The following NCAPD2 variants were observed in gnomAD, a reference collection of about 807,000 sequenced individuals.
NCAPD2 encodes the protein non-SMC condensin I complex subunit D2, also known as condensin complex subunit 1.
In NCAPD2, 100 loss-of-function variants were observed where a neutral mutation model predicts 164.5. The ratio of observed to expected loss-of-function variants is 0.61; its 90% confidence interval spans 0.52 to 0.72. NCAPD2 has a LOEUF of 0.72. NCAPD2 is among the 30% of genes least tolerant of loss of function. The pLI is 0.00. For missense variants in NCAPD2, 1,560 were observed against 1,749.2 expected, an observed-to-expected ratio of 0.89 and a Z score of 1.93; for synonymous variants, 585 against 642.6, an observed-to-expected ratio of 0.91 and a Z score of 1.36.
chr12:6,511,361 TCA>T, intron 6 of NCAPD2, 109 bp downstream of exon 6: 2 of 1,305,662 alleles, frequency 1.5e-6, no homozygotes, highest in African/African-American at 1.5e-5. Flanking sequence ...GGACAGAGCT[TCA>T]CTCTTGTCGC....
rs142888387 is a variant in NCAPD2 at position 6,523,829 on chromosome 12, C to T, written c.2214+483C>T. Among the ~76,000 whole-genome samples, 163 of 152,316 alleles carry T rather than the reference C, an allele frequency of 1.1e-3. 1 individual carries two copies. Among genetic ancestry groups the T allele is most frequent in the African/African-American group, 3.7e-3 (153 of 41,570 alleles). On this transcript the variant is annotated intron_variant, in intron 17 of 31. Coordinates refer to ENST00000315579, the MANE Select transcript of NCAPD2 (RefSeq NM_014865.4). ...TAGTTGGTAGTGAAAAACCACAGAA[C>T]ATTTTTAGAACAATGCAGCAGGTAG...
intron 13 of NCAPD2, among the ~76,000 whole-genome samples, chr12:6,519,450 C>T (rs1283873284): frequency 6.6e-6 from 1 of 152,126 alleles, no homozygotes; most frequent in Non-Finnish European, 1.5e-5. Flanking sequence ...TAGCCTCAAC[C>T]CTGCTGGGCT....
chr12:6,531,511 T>TAAAA lies in NCAPD2; in HGVS notation c.*108_*111dup, dbSNP rs753638236. On this transcript the variant is annotated 3_prime_UTR_variant, in exon 32 of 32. Transcript: ENST00000315579. The surrounding 1 kb of genome is among the most constrained non-coding windows in gnomAD (Gnocchi z 4.1). ...AAAATATTTGTCTGTCTCTTTTTTT[T>TAAAA]AAAAAAAAAAAAGGCCGGGCACTGT... is the stretch of plus-strand genomic sequence containing the variant. The TAAAA allele has an allele frequency of 2.6e-3, 3,580 of 1,359,382 alleles. 58 individuals are homozygous for TAAAA. The African/African-American group carries it at 0.044, about 17-fold the overall frequency. The allele number at this position is 1,359,382 out of a possible 1,614,324, so 84.2% of individuals were successfully genotyped here. A position where few individuals can be genotyped will look rare whatever the true frequency, so the allele number is the denominator to read the frequency against.
chr12:6,516,906 G>A lies in NCAPD2; in HGVS notation c.1066G>A (p.Ala356Thr). 6.2e-7 allele frequency: 1 copy of A among 1,614,184 alleles called. No homozygotes were observed. Among genetic ancestry groups the A allele is most frequent in the Non-Finnish European group, 8.5e-7 (1 of 1,180,026 alleles). The change falls in exon 10 of 32, where the codon GCA (alanine) becomes ACA (threonine). Residue 356 changes from alanine to threonine, a missense_variant. Physicochemically the swap from Ala to Thr is moderately conservative, Grantham distance 58. Transcript: ENST00000315579. The part of the protein sequence containing the change: ...LQVLSGDQLE[A>T]AARDTRDQFL... ...GGTTCTCAGTGGCGATCAACTGGAAGCAGCAGCCCGAGACACCAGAGACCA... is the reference window on the plus strand; with the variant it reads ...GGTTCTCAGTGGCGATCAACTGGAAACAGCAGCCCGAGACACCAGAGACCA...
At chr12:6,520,661 G>T (rs1202342850) in intron 13 of NCAPD2, among the ~76,000 whole-genome samples, 1 of 152,112 alleles carries the variant, frequency 6.6e-6, no homozygotes, top group Non-Finnish European at 1.5e-5. Context: ...CTAAACTTAG[G>T]AAAGTTTTTA....
chr12:6,528,336 AC>A lies in NCAPD2; in HGVS notation c.3299+12del. ...TCCTCATCTGTATGCTCGGTAAGAG[AC>A]CCCTCACAACGTGGTGGCAGTTCCC... On this transcript the variant is annotated intron_variant, in intron 25 of 31. Coordinates refer to ENST00000315579, the MANE Select transcript of NCAPD2 (RefSeq NM_014865.4). This position sits in a 1 kb window ranked among gnomAD's most constrained non-coding sequence, Gnocchi z 5.1. The A allele has an allele frequency of 6.2e-7, 1 of 1,612,946 alleles. No individual in the cohort carries two copies. The highest frequency in any genetic ancestry group is 8.5e-7 in the Non-Finnish European group (1 of 1,179,884).
intron 3 of NCAPD2, 101 bp from the exon 4 acceptor site, chr12:6,509,974 T>C: frequency 7.3e-7 from 1 of 1,363,824 alleles, no homozygotes; most frequent in Non-Finnish European, 1.0e-6. Flanking sequence ...CAATTTCACG[T>C]GTATTTTTAA....
rs1301305569 is a variant in NCAPD2, at chr12:6,531,048, C to T, written c.4092C>T (p.Val1364=). Residue 1364 remains valine, a synonymous_variant, in exon 31 of 32, where the codon GTC becomes GTT. Coordinates refer to ENST00000315579, the MANE Select transcript of NCAPD2 (RefSeq NM_014865.4). This position sits in a 1 kb window ranked among gnomAD's most constrained non-coding sequence, Gnocchi z 4.1. The part of the protein sequence containing the change: ...QRASKKKPKV[V]FSSDESSEED... ...CTTCCAAAAAGAAACCCAAAGTTGTCTTCTCAAGTGATGAGTCCAGTGAGG... is the reference window on the plus strand; with the variant it reads ...CTTCCAAAAAGAAACCCAAAGTTGTTTTCTCAAGTGATGAGTCCAGTGAGG... 1 of 1,613,948 alleles carries T rather than the reference C, an allele frequency of 6.2e-7. No homozygotes were observed. Among genetic ancestry groups the T allele is most frequent in the South Asian group, 1.1e-5 (1 of 91,070 alleles).
Position 6,527,787 on chromosome 12 carries a change from C to T in NCAPD2, c.2918C>T (p.Ser973Phe), listed in dbSNP as rs141891272. The change falls in exon 23 of 32, where the codon TCT becomes TTT. Residue 973 changes from serine (S) to phenylalanine (F), a missense_variant. By Grantham distance (155) the Ser-to-Phe change is radical (BLOSUM62 -2). Transcript: ENST00000315579. ...TTTCATTCCCTTTAGAATACGAGCT[C>T]TGAGACCACCATGGAGGAGGAGCTG... ...TKDPKEKNTS[S>F]ETTMEEELGL... 1.4e-4 allele frequency: 232 copies of T among 1,612,384 alleles called. No homozygotes were observed. Among genetic ancestry groups the T allele is most frequent in the Non-Finnish European group, 1.9e-4 (222 of 1,178,580 alleles).
At chr12:6,510,596 G>A in intron 4 of NCAPD2, 33 bp from the exon 5 acceptor site, 1 of 1,612,618 alleles carries the variant, frequency 6.2e-7, no homozygotes. Flanking sequence ...AAAGAAGTGA[G>A]TGAAACTGAC....
chr12:6,522,507 C>T (rs1946273341), intron 15 of NCAPD2, among the ~76,000 whole-genome samples: 1 of 151,814 alleles, frequency 6.6e-6, no homozygotes. Context: ...ATTGCTTGAG[C>T]CCGGGAGTTT....
chr12:6,496,141 T>G (rs1260480094), intron 2 of NCAPD2, among the ~76,000 whole-genome samples: 2 of 147,546 alleles, frequency 1.4e-5, no homozygotes. Flanking sequence ...CACCACAACC[T>G]CTGCCTCCCC....
At chr12:6,524,766 C>T (rs1946300566) in intron 17 of NCAPD2, among the ~76,000 whole-genome samples, 1 of 152,020 alleles carries the variant, frequency 6.6e-6, no homozygotes, top group Non-Finnish European at 1.5e-5. Context: ...ACTGTGTTAG[C>T]CAGGCACCCA....
chr12:6,530,607 C>G (rs1946361740), intron 29 of NCAPD2, 84 bp from the exon 30 acceptor site: 5 of 1,569,078 alleles, frequency 3.2e-6, no homozygotes, highest in Non-Finnish European at 4.3e-6. Context: ...CGTTTAAGGC[C>G]TCCATGTCTT....
At position 6,531,103 on chromosome 12, in the gene NCAPD2, C is replaced by T. The variant is rs377068199; in HGVS notation, c.4120+27C>T. On this transcript the variant is annotated intron_variant, in intron 31 of 31. Coordinates refer to ENST00000315579, the MANE Select transcript of NCAPD2 (RefSeq NM_014865.4). This position sits in a 1 kb window ranked among gnomAD's most constrained non-coding sequence, Gnocchi z 4.1. ...TATGATGCTCCCGCCTGTTCCCGGC[C>T]GAGAAGGCACACAGCTAGGGTGCAG... is the stretch of plus-strand genomic sequence containing the variant. The T allele has an allele frequency of 1.8e-5, 29 of 1,611,590 alleles. No individual in the cohort carries two copies. Among genetic ancestry groups the T allele is most frequent in the Admixed American group, 3.3e-5 (2 of 59,928 alleles).
Position 6,528,272 on chromosome 12 carries a change from T to A in NCAPD2, c.3243T>A (p.Asp1081Glu). 1 of 1,613,876 alleles carries A rather than the reference T, an allele frequency of 6.2e-7. No individual in the cohort carries two copies. The highest frequency in any genetic ancestry group is 8.5e-7 in the Non-Finnish European group (1 of 1,179,978). ...VRSNLMVATG[D>E]LAIRFPNLVD... ...CTAACCTCATGGTTGCCACTGGGGA[T>A]CTGGCCATCCGCTTTCCCAATCTGG... The change falls in exon 25 of 32, where the codon GAT (aspartate) becomes GAA (glutamate). Residue 1081 changes from aspartate (D) to glutamate (E), a missense_variant. Coordinates refer to ENST00000315579, the MANE Select transcript of NCAPD2 (RefSeq NM_014865.4). The surrounding 1 kb of genome is among the most constrained non-coding windows in gnomAD (Gnocchi z 5.1).
rs756747085 is a variant in NCAPD2 at position 6,522,825 on chromosome 12, CAGT to C, written c.1955-2_1955del. The C allele has an allele frequency of 9.9e-6, 16 of 1,613,474 alleles. No homozygotes were observed. The highest frequency in any genetic ancestry group is 1.4e-5 in the Non-Finnish European group (16 of 1,179,736). ...TAGGTGACATTTGTACATGTTCTCT[CAGT>C]GGTGCAGGAGGTGATTGAATTCTTT... On this transcript the variant is annotated splice_acceptor_variant and coding_sequence_variant, in exon 16 of 32. Coordinates refer to ENST00000315579, the MANE Select transcript of NCAPD2 (RefSeq NM_014865.4). LOFTEE classifies it high-confidence loss of function.
chr12:6,527,830 A>G lies in NCAPD2; in HGVS notation c.2961A>G (p.Thr987=). ...MEEELGLVGA[T]ADDTEAELIR... is the part of the protein sequence containing the mutation. ...AGGAGCTGGGGCTGGTTGGGGCAAC[A>G]GCAGATGACACAGAGGCAGAACTAA... The change falls in exon 23 of 32, where the codon ACA becomes ACG. Residue 987 remains threonine (T), a synonymous_variant. Coordinates refer to ENST00000315579, the MANE Select transcript of NCAPD2 (RefSeq NM_014865.4). 1 of 1,613,946 alleles carries G rather than the reference A, an allele frequency of 6.2e-7. No individual in the cohort carries two copies. The highest frequency in any genetic ancestry group is 8.5e-7 in the Non-Finnish European group (1 of 1,179,828).
At position 6,531,123 on chromosome 12, in the gene NCAPD2, G is replaced by C; in HGVS notation, c.4120+47G>C. 1 of 1,608,930 alleles carries C rather than the reference G, an allele frequency of 6.2e-7. No homozygotes were observed. Among genetic ancestry groups the C allele is most frequent in the South Asian group, 1.1e-5 (1 of 90,648 alleles). On this transcript the variant is annotated intron_variant, in intron 31 of 31. Coordinates refer to ENST00000315579, the MANE Select transcript of NCAPD2 (RefSeq NM_014865.4). This position sits in a 1 kb window ranked among gnomAD's most constrained non-coding sequence, Gnocchi z 4.1. ...CCGGCCGAGAAGGCACACAGCTAGG[G>C]TGCAGAGGGCTGGTTTCCATAGGAC...
Sources: gnomAD v4.1 joint callset for allele counts (sites outside exome capture counted in the v4.1 genomes callset) on GRCh38, gnomAD v4.1.1 for gene constraint, Gnocchi (gnomAD v3.1) non-coding constraint, MANE v1.5 for transcripts, NCBI Gene and HGNC (gene_info 2026-07-23, HGNC 2026-07-21) for gene names.